The following UNC13A variants were observed in gnomAD, a reference collection of about 807,000 sequenced individuals.
UNC13A encodes the protein protein unc-13 homolog A.
UNC13A carries 61 observed loss-of-function variants against 219.7 expected under a neutral mutation model. The observed-to-expected ratio is 0.28, with a 90% CI of 0.23 to 0.34. The LOEUF (loss-of-function observed/expected upper bound fraction) is 0.34. Among genes scored for constraint, UNC13A ranks in the 10% least tolerant of loss-of-function variants. The pLI, the probability that UNC13A is intolerant of heterozygous loss-of-function variation, is 1.00. For synonymous variants in UNC13A, 920 were observed against 884.6 expected, an observed-to-expected ratio of 1.04 and a Z score of -0.71; for missense variants, 1,476 against 2,270.3, an observed-to-expected ratio of 0.65 and a Z score of 7.11.
At chr19:17,675,772 G>T (rs551627633) in intron 2 of UNC13A, among the ~76,000 whole-genome samples, 1 of 152,268 alleles carries the variant, frequency 6.6e-6, no homozygotes, top group South Asian at 2.1e-4. Context: ...CTCAGGGCAA[G>T]CCCCACCCCT....
Position 17,604,889 on chromosome 19 carries a change from TTC to T in UNC13A, c.*1163_*1164del, listed in dbSNP as rs552672327. 15 of 152,590 alleles carry T rather than the reference TTC, an allele frequency of 9.8e-5. No homozygotes were observed. The highest frequency in any genetic ancestry group is 3.6e-4 in the African/African-American group (15 of 41,584). The allele number at this position is 152,590 out of a possible 1,614,324, so 9.5% of individuals were successfully genotyped here. On this transcript the variant is annotated 3_prime_UTR_variant, in exon 44 of 44. Transcript: ENST00000519716. ...TCTCTCTCTCATTCTCTTTCTCTCATTCTCTTTCTCCCCCCTAGAGTTTCTGG... is the reference window on the plus strand; with the variant it reads ...TCTCTCTCTCATTCTCTTTCTCTCATTCTTTCTCCCCCCTAGAGTTTCTGG...
intron 41 of UNC13A, among the ~76,000 whole-genome samples, chr19:17,615,219 C>T (rs533423905): frequency 6.6e-6 from 1 of 152,334 alleles, no homozygotes; most frequent in Non-Finnish European, 1.5e-5. Flanking sequence ...CATGGAGGCT[C>T]ATGCCTGTAA....
intron 7 of UNC13A, among the ~76,000 whole-genome samples, chr19:17,665,798 T>C (rs2079629053): frequency 6.6e-6 from 1 of 152,186 alleles, no homozygotes; most frequent in Non-Finnish European, 1.5e-5. Flanking sequence ...TACGCCCTCA[T>C]CCAGGATCTG....
Position 17,654,833 on chromosome 19 carries a change from C to T in UNC13A, c.1392+441G>A, listed in dbSNP as rs371213248. Among the ~76,000 whole-genome samples the T allele has an allele frequency of 4.6e-5, 7 of 152,276 alleles. No homozygotes were observed. In the East Asian group the frequency reaches 5.8e-4, roughly 13 times the overall value. On this transcript the variant is annotated intron_variant, in intron 11 of 43. Coordinates refer to ENST00000519716, the MANE Select transcript of UNC13A (RefSeq NM_001080421.3). ...CTTGATCCCTAACCATGACTTCAGC[C>T]CAGTTTCAGCCCTAGTTTTCTCTCC... is the stretch of plus-strand genomic sequence containing the variant.
intron 17 of UNC13A, among the ~76,000 whole-genome samples, 164 bp from the exon 18 acceptor site, chr19:17,646,275 G>T (rs1212678686): frequency 2.0e-5 from 3 of 151,680 alleles, no homozygotes; most frequent in Admixed American, 6.6e-5. Context: ...TTGTGTGTTT[G>T]TTTGTTTGTT....
chr19:17,675,144 T>C (rs1314073390), intron 2 of UNC13A, among the ~76,000 whole-genome samples: 1 of 148,872 alleles, frequency 6.7e-6, no homozygotes, highest in Admixed American at 6.7e-5. Flanking sequence ...CCTGGGCAAC[T>C]TGGCAAAACC....
Position 17,627,873 on chromosome 19 carries a change from C to T in UNC13A, c.3821G>A (p.Gly1274Glu). 1 of 1,603,320 alleles carries T rather than the reference C, an allele frequency of 6.2e-7. No individual in the cohort carries two copies. The highest frequency in any genetic ancestry group is 8.5e-7 in the Non-Finnish European group (1 of 1,174,126). The change falls in exon 32 of 44, where the codon GGA becomes GAA. Residue 1274 changes from glycine (G) to glutamate (E), a missense_variant. Transcript: ENST00000519716. The surrounding 1 kb of genome is among the most constrained non-coding windows in gnomAD (Gnocchi z 4.7). The stretch of plus-strand genomic sequence containing the variant: ...TCGGCCCTGCCTCACCTCCTTTCCT[C>T]CCATGGCTTCGAACATCTTCTCCAG... ...VQLEKMFEAM[G>E]GKELDAEASD...
chr19:17,676,701 C>T (rs2079905770), intron 1 of UNC13A, among the ~76,000 whole-genome samples: 1 of 152,154 alleles, frequency 6.6e-6, no homozygotes, highest in Admixed American at 6.6e-5. Flanking sequence ...CAAAGCAACC[C>T]AGAGAGCTGG....
Position 17,652,556 on chromosome 19 carries a change from T to C in UNC13A, c.1439+75A>G. The C allele has an allele frequency of 9.4e-6, 15 of 1,596,300 alleles. 1 individual carries two copies. In the South Asian group the frequency reaches 1.5e-4, roughly 16 times the overall value. Reference sequence around the variant, plus strand: ...GAACCCCTCCTCCTCCTCTCTGGGCTGAGGCTCAGGCGCAAACCAGCCTTG... The same window carrying C: ...GAACCCCTCCTCCTCCTCTCTGGGCCGAGGCTCAGGCGCAAACCAGCCTTG... On this transcript the variant is annotated intron_variant, in intron 12 of 43. Coordinates refer to ENST00000519716, the MANE Select transcript of UNC13A (RefSeq NM_001080421.3).
chr19:17,672,728 G>A (rs980072592), intron 3 of UNC13A, among the ~76,000 whole-genome samples: 2 of 152,144 alleles, frequency 1.3e-5, no homozygotes, highest in African/African-American at 4.8e-5. Context: ...TCAAAGCCGG[G>A]AAGGATGGCG....
At chr19:17,632,677 T>C in intron 28 of UNC13A, 105 bp downstream of exon 28, 1 of 1,547,464 alleles carries the variant, frequency 6.5e-7, no homozygotes, top group South Asian at 1.2e-5. Context: ...CCCATGCCCC[T>C]GATGCCCAGG....
chr19:17,656,613 A>G (rs959886543), intron 9 of UNC13A, among the ~76,000 whole-genome samples: 2 of 152,170 alleles, frequency 1.3e-5, no homozygotes, highest in African/African-American at 4.8e-5. Flanking sequence ...GCACTTTGGG[A>G]GGCTGAGGTG....
chr19:17,608,959 C>CTTT (rs35529137), intron 43 of UNC13A, among the ~76,000 whole-genome samples: 3 of 134,426 alleles, frequency 2.2e-5, no homozygotes, highest in African/African-American at 5.6e-5. Context: ...CCAGAGCAGA[C>CTTT]TTTTTTTTTT....
intron 33 of UNC13A, 55 bp from the exon 34 acceptor site, chr19:17,626,840 A>G (rs2076788670): frequency 1.3e-6 from 2 of 1,564,138 alleles, no homozygotes; most frequent in Non-Finnish European, 1.7e-6. Flanking sequence ...ATGAGGACAC[A>G]GATGCTGATC....
chr19:17,680,891 T>TC (rs1439699575), intron 1 of UNC13A, among the ~76,000 whole-genome samples: 1 of 75,926 alleles, frequency 1.3e-5, no homozygotes, highest in East Asian at 2.5e-4. Context: ...TTTCTTTTCT[T>TC]TTTTTTTTTT....
At chr19:17,648,773 G>A (rs779396795) in intron 15 of UNC13A, 123 bp from the exon 16 acceptor site, 43 of 1,489,808 alleles carry the variant, frequency 2.9e-5, no homozygotes, top group Middle Eastern at 2.0e-4. Flanking sequence ...CCACGCTGTC[G>A]GAATCCACGC....
At position 17,640,605 on chromosome 19, in the gene UNC13A, C is replaced by G; in HGVS notation, c.2693G>C (p.Ser898Thr). The part of the protein sequence containing the change: ...YMCPGVPAVM[S>T]TLLANINAYY... ...GGCATTGATGTTGGCGAGCAGGGTG[C>G]TCATGACGGCAGGCACCCCTGGGCA... Residue 898 changes from serine to threonine, a missense_variant, in exon 22 of 44, where the codon AGC (serine) becomes ACC (threonine). Ser to Thr is a moderately conservative substitution (Grantham distance 58, BLOSUM62 1). Transcript: ENST00000519716. 1 of 1,586,382 alleles carries G rather than the reference C, an allele frequency of 6.3e-7. No homozygotes were observed. The highest frequency in any genetic ancestry group is 8.6e-7 in the Non-Finnish European group (1 of 1,167,142).
chr19:17,676,261 A>G, intron 1 of UNC13A: 1 of 671,354 alleles, frequency 1.5e-6, no homozygotes, highest in Non-Finnish European at 2.7e-6. Flanking sequence ...GAGGTAGGAA[A>G]GAGGAGGCAG....
chr19:17,606,360 T>A lies in UNC13A; in HGVS notation c.4812-6A>T, dbSNP rs1395443787. On this transcript the variant is annotated splice_region_variant and splice_polypyrimidine_tract_variant and intron_variant, in intron 43 of 43. Transcript: ENST00000519716. Reference sequence around the variant, plus strand: ...CCGCGTCGGCGCTCAGCGTGCTGCGTGGGGAGGGGCGGAACGTGAGACAGG... The same window carrying A: ...CCGCGTCGGCGCTCAGCGTGCTGCGAGGGGAGGGGCGGAACGTGAGACAGG... The A allele has an allele frequency of 1.9e-6, 3 of 1,541,998 alleles. No homozygotes were observed. The highest frequency in any genetic ancestry group is 2.4e-5 in the South Asian group (2 of 84,036).
Sources: gnomAD v4.1 joint callset for allele counts (sites outside exome capture counted in the v4.1 genomes callset) on GRCh38, gnomAD v4.1.1 for gene constraint, Gnocchi (gnomAD v3.1) non-coding constraint, MANE v1.5 for transcripts, NCBI Gene and HGNC (gene_info 2026-07-23, HGNC 2026-07-21) for gene names.